The following ANK3 variants were observed in gnomAD, a reference collection of about 807,000 sequenced individuals.
ANK3 encodes ankyrin-3.
ANK3 carries 57 observed loss-of-function variants against 370.9 expected under a neutral mutation model. The observed-to-expected ratio is 0.15, with a 90% CI of 0.12 to 0.19. The LOEUF (loss-of-function observed/expected upper bound fraction) is 0.19. Ranked by LOEUF, ANK3 falls within the 10% of genes least tolerant of loss-of-function variation. The pLI is 1.00. For missense variants in ANK3, 4,439 were observed against 5,302.1 expected, an observed-to-expected ratio of 0.84 and a Z score of 5.06; for synonymous variants, 1,929 against 1,946.3, an observed-to-expected ratio of 0.99 and a Z score of 0.23.
At chr10:60,163,803 T>G (rs2095555648) in intron 23 of ANK3, among the ~76,000 whole-genome samples, 2 of 152,230 alleles carry the variant, frequency 1.3e-5, no homozygotes, top group African/African-American at 4.8e-5. Flanking sequence ...CATTTTCATT[T>G]TCTTTCTTGA....
At chr10:60,372,219 G>A (rs1473603301) in intron 1 of ANK3, among the ~76,000 whole-genome samples, 3 of 152,212 alleles carry the variant, frequency 2.0e-5, no homozygotes, top group African/African-American at 7.2e-5. Flanking sequence ...AAAATGGTCT[G>A]AATGGGCTCT....
chr10:60,179,097 G>C (rs2096066643), intron 18 of ANK3, among the ~76,000 whole-genome samples: 1 of 152,020 alleles, frequency 6.6e-6, no homozygotes, highest in South Asian at 2.1e-4. Context: ...TCCCACCTGT[G>C]GGCTGCTTGG....
chr10:60,051,785 A>ATG (rs5785428), intron 42 of ANK3, among the ~76,000 whole-genome samples: 58,556 of 148,110 alleles, frequency 0.4, 11,648 homozygotes, highest in East Asian at 0.61. Flanking sequence ...TACTCTGTGC[A>ATG]TGTGTGTGTG....
At position 60,711,386 on chromosome 10, in the gene ANK3, AAAT is replaced by A. The variant is rs2079704255; in HGVS notation, c.57+21874_57+21876del. On this transcript the variant is annotated intron_variant, in intron 1 of 43. Coordinates refer to the ANK3 transcript ENST00000373827. ...AAATTAAAATTGAATAAAAATAAAT[AAAT>A]AAATAAATAAATAAAAATAAAAAAC... Among the ~76,000 whole-genome samples, 15 of 151,644 alleles carry A rather than the reference AAAT, an allele frequency of 9.9e-5. 1 individual carries two copies. In the South Asian group the frequency reaches 2.1e-3, roughly 21 times the overall value.
chr10:60,067,877 G>T (rs545041677), intron 38 of ANK3, 58 bp downstream of exon 38: 5 of 1,405,330 alleles, frequency 3.6e-6, no homozygotes, highest in Non-Finnish European at 4.9e-6. Context: ...AACTGCTTGT[G>T]AGTAAGACAA....
chr10:60,676,870 C>A (rs1472496632), intron 1 of ANK3, among the ~76,000 whole-genome samples: 1 of 152,040 alleles, frequency 6.6e-6, no homozygotes, highest in Admixed American at 6.6e-5. Flanking sequence ...TTGTATATTT[C>A]AAAACAGCTA....
intron 1 of ANK3, chr10:60,300,615 G>A (rs2043488923): frequency 4.6e-6 from 5 of 1,077,140 alleles, no homozygotes. Flanking sequence ...TTGGCTCTGT[G>A]GATTTAGTCA....
chr10:60,250,569 G>T lies in ANK3; in HGVS notation c.798+11290C>A, dbSNP rs541333460. Among the ~76,000 whole-genome samples, 15 of 152,150 alleles carry T rather than the reference G, an allele frequency of 9.9e-5. No individual in the cohort carries two copies. In the South Asian group the frequency reaches 2.5e-3, roughly 25 times the overall value. ...TTTAGTAGAGACGGAGTTTCACCAT[G>T]TTAGCCAGGATGGTCTCGATCTCCT... is the stretch of plus-strand genomic sequence containing the variant. On this transcript the variant is annotated intron_variant, in intron 7 of 43. Transcript: ENST00000280772.
Position 60,344,349 on chromosome 10 carries a change from T to C in ANK3, c.114+45076A>G, listed in dbSNP as rs1210829006. On this transcript the variant is annotated intron_variant, in intron 1 of 43. Transcript: ENST00000280772. ...AATGTGATCTGAAAAGGTACTTTTA[T>C]AGCTGTAGAAAACTGAAGAATAAAA... Among the ~76,000 whole-genome samples, 6 of 152,212 alleles carry C rather than the reference T, an allele frequency of 3.9e-5. 1 individual carries two copies. Among genetic ancestry groups the C allele is most frequent in the Middle Eastern group, 3.2e-3 (1 of 316 alleles).
Position 60,071,144 on chromosome 10 carries a change from T to G in ANK3, c.9737A>C (p.Asn3246Thr), listed in dbSNP as rs2082611148. 6.2e-7 allele frequency: 1 copy of G among 1,613,950 alleles called. No homozygotes were observed. The highest frequency in any genetic ancestry group is 1.3e-5 in the African/African-American group (1 of 74,906). Residue 3246 changes from asparagine (N) to threonine (T), a missense_variant, in exon 37 of 44, where the codon AAT (asparagine) becomes ACT (threonine). By Grantham distance (65) the Asn-to-Thr change is moderately conservative. Coordinates refer to ENST00000280772, the MANE Select transcript of ANK3 (RefSeq NM_020987.5). The stretch of plus-strand genomic sequence containing the variant: ...AAATTCAATATAGGCAACTCTGTTA[T>G]TTTTGGGTCTTTGGTTAGAGTCTTT... Reference protein sequence around the residue: ...VSKDSNQRPKNNRVAYIEFPP... With the variant: ...VSKDSNQRPKTNRVAYIEFPP...
chr10:60,430,115 T>C (rs924729715), intron 2 of ANK3, among the ~76,000 whole-genome samples: 7 of 152,226 alleles, frequency 4.6e-5, no homozygotes, highest in African/African-American at 1.4e-4. Flanking sequence ...AATGATCATT[T>C]CAGAGTCCAT....
At chr10:60,533,894 C>T (rs1175077780) in intron 2 of ANK3, among the ~76,000 whole-genome samples, 1 of 152,024 alleles carries the variant, frequency 6.6e-6, no homozygotes, top group African/African-American at 2.4e-5. Context: ...TATGGTAACA[C>T]TGGATATATT....
chr10:60,093,528 C>G (rs2089265961), intron 28 of ANK3, among the ~76,000 whole-genome samples: 1 of 152,176 alleles, frequency 6.6e-6, no homozygotes, highest in South Asian at 2.1e-4. Context: ...ACTGGAAGTA[C>G]TGTACACTTC....
chr10:60,035,673 T>C (rs529818061), intron 43 of ANK3, among the ~76,000 whole-genome samples: 1 of 151,918 alleles, frequency 6.6e-6, no homozygotes, highest in African/African-American at 2.4e-5. Context: ...CCAAGGCTTT[T>C]GTTAACAGGA....
At chr10:60,042,026 T>A (rs766455718) in intron 43 of ANK3, among the ~76,000 whole-genome samples, 48 of 152,194 alleles carry the variant, frequency 3.2e-4, no homozygotes, top group Non-Finnish European at 6.3e-4. Flanking sequence ...TATGGCCTAA[T>A]TGTAGCTAAG....
At chr10:60,241,851 G>A (rs1421203807) in intron 7 of ANK3, among the ~76,000 whole-genome samples, 1 of 152,064 alleles carries the variant, frequency 6.6e-6, no homozygotes, top group Non-Finnish European at 1.5e-5. Flanking sequence ...AAACAACAAA[G>A]GGAATCGGCT....
At chr10:60,234,315 A>G (rs1005972186) in intron 8 of ANK3, among the ~76,000 whole-genome samples, 1 of 152,180 alleles carries the variant, frequency 6.6e-6, no homozygotes, top group Admixed American at 6.5e-5. Context: ...ACTGTTTTCC[A>G]TAGCAGTCAC....
intron 1 of ANK3, among the ~76,000 whole-genome samples, chr10:60,623,642 T>C (rs1357817641): frequency 6.6e-6 from 1 of 152,162 alleles, no homozygotes; most frequent in African/African-American, 2.4e-5. Flanking sequence ...ACTAAGACTA[T>C]TCATTAGAGA....
At chr10:60,084,497 C>A in intron 32 of ANK3, 105 bp downstream of exon 32, 1 of 712,296 alleles carries the variant, frequency 1.4e-6, no homozygotes, top group Non-Finnish European at 2.2e-6. Flanking sequence ...AAAGTAAAAT[C>A]AATAATGCAC....
Sources: allele counts gnomAD v4.1 joint callset (sites outside exome capture counted in the v4.1 genomes callset), GRCh38; gene constraint gnomAD v4.1.1; transcripts MANE v1.5; gene names NCBI Gene and HGNC (gene_info 2026-07-23, HGNC 2026-07-21).